The following COL28A1 variants were observed in gnomAD, a reference collection of about 807,000 sequenced individuals.
COL28A1 encodes the protein collagen alpha-1(XXVIII) chain.
Under a neutral mutation model 150.2 loss-of-function variants are expected in COL28A1, and 161 were observed. The ratio of observed to expected loss-of-function variants is 1.07; its 90% confidence interval spans 0.94 to 1.22. The LOEUF (loss-of-function observed/expected upper bound fraction) is 1.22. COL28A1 is among the 50% of genes most tolerant of loss of function. COL28A1 has a pLI of 0.00. For synonymous variants in COL28A1, 552 were observed against 469.7 expected (o/e 1.18, Z -2.26); for missense variants, 1,617 against 1,388.3 (o/e 1.16, Z -2.62).
At chr7:7,440,144 G>A (rs538163709) in intron 21 of COL28A1, among the ~76,000 whole-genome samples, 2 of 152,104 alleles carry the variant, frequency 1.3e-5, no homozygotes, top group South Asian at 2.1e-4. Context: ...AATCCCCTTC[G>A]CTTCTTCCTC....
At chr7:7,533,073 A>G (rs1782459273) in intron 1 of COL28A1, among the ~76,000 whole-genome samples, 161 bp from the exon 2 acceptor site, 1 of 152,170 alleles carries the variant, frequency 6.6e-6, no homozygotes, top group African/African-American at 2.4e-5. Flanking sequence ...GAAAGATTTC[A>G]ATCCAAATAA....
chr7:7,347,979 T>A, the COL28A1 span, among the ~76,000 whole-genome samples: 4 of 152,042 alleles, frequency 2.6e-5, no homozygotes, highest in Admixed American at 6.6e-5. Flanking sequence ...ATATTTCTAA[T>A]GATTCTATGA....
At chr7:7,413,807 C>T (rs73674534) in intron 27 of COL28A1, among the ~76,000 whole-genome samples, 124 of 152,250 alleles carry the variant, frequency 8.1e-4, no homozygotes, top group African/African-American at 2.7e-3. Flanking sequence ...TTCAAGCCTA[C>T]AGGAAGAGCA....
At chr7:7,439,573 C>T (rs180906643) in intron 21 of COL28A1, among the ~76,000 whole-genome samples, 2 of 152,112 alleles carry the variant, frequency 1.3e-5, no homozygotes, top group African/African-American at 2.4e-5. Flanking sequence ...GGTGATTATG[C>T]TTTAACATAT....
At chr7:7,511,248 CTT>C (rs2115147316) in intron 8 of COL28A1, 113 bp from the exon 9 acceptor site, 3 of 794,946 alleles carry the variant, frequency 3.8e-6, no homozygotes, top group South Asian at 1.6e-5. Flanking sequence ...CATAAGCACT[CTT>C]TTGGTTTCTA....
At chr7:7,521,397 T>G (rs1448458920) in intron 5 of COL28A1, among the ~76,000 whole-genome samples, 1 of 152,222 alleles carries the variant, frequency 6.6e-6, no homozygotes, top group Non-Finnish European at 1.5e-5. Flanking sequence ...GGTTGCCATG[T>G]GCTTACTTCC....
the COL28A1 span, among the ~76,000 whole-genome samples, chr7:7,342,444 GT>G: frequency 1.5e-4 from 23 of 151,998 alleles, no homozygotes; most frequent in East Asian, 4.4e-3. Flanking sequence ...TTATGAATAC[GT>G]TTTGGTTTAA....
At chr7:7,462,276 G>C (rs1787692901) in intron 15 of COL28A1, among the ~76,000 whole-genome samples, 1 of 152,120 alleles carries the variant, frequency 6.6e-6, no homozygotes, top group South Asian at 2.1e-4. Flanking sequence ...ACCCAAATGA[G>C]AAGGAAACAG....
At chr7:7,452,558 T>C (rs372214696) in intron 17 of COL28A1, among the ~76,000 whole-genome samples, 171 bp from the exon 18 acceptor site, 260 of 152,380 alleles carry the variant, frequency 1.7e-3, no homozygotes, top group African/African-American at 5.8e-3. Flanking sequence ...TTGGAATATA[T>C]ATGTAAATGA....
chr7:7,376,314 G>A (rs940734128), intron 30 of COL28A1, among the ~76,000 whole-genome samples: 1 of 152,190 alleles, frequency 6.6e-6, no homozygotes, highest in South Asian at 2.1e-4. Flanking sequence ...TTTAACAGGT[G>A]CAAAAGTAAA....
chr7:7,415,462 T>C (rs1330912709), intron 27 of COL28A1, among the ~76,000 whole-genome samples: 1 of 152,228 alleles, frequency 6.6e-6, no homozygotes, highest in African/African-American at 2.4e-5. Flanking sequence ...ATGGAAGTCC[T>C]GAGGGACGAA....
intron 27 of COL28A1, among the ~76,000 whole-genome samples, chr7:7,397,462 A>G (rs1235044116): frequency 6.6e-6 from 1 of 152,164 alleles, no homozygotes; most frequent in Non-Finnish European, 1.5e-5. Context: ...TTTGAGAACC[A>G]TTATTTAGCT....
At chr7:7,508,248 T>A (rs1012321758) in intron 9 of COL28A1, among the ~76,000 whole-genome samples, 14 of 150,834 alleles carry the variant, frequency 9.3e-5, no homozygotes, top group South Asian at 2.1e-4. Context: ...AAAAAAAAAA[T>A]TTCCTTTTTC....
At chr7:7,415,419 A>G (rs1250362194) in intron 27 of COL28A1, among the ~76,000 whole-genome samples, 1 of 152,228 alleles carries the variant, frequency 6.6e-6, no homozygotes, top group Non-Finnish European at 1.5e-5. Flanking sequence ...GTGCAAAAGT[A>G]ATTGCGGTTT....
intron 27 of COL28A1, among the ~76,000 whole-genome samples, chr7:7,386,899 G>A (rs993765260): frequency 3.9e-5 from 6 of 152,152 alleles, no homozygotes; most frequent in African/African-American, 9.7e-5. Context: ...GAAAGCCCAC[G>A]ATCAAGGAAT....
At chr7:7,371,981 C>A (rs1163447621) in intron 32 of COL28A1, among the ~76,000 whole-genome samples, 1 of 151,996 alleles carries the variant, frequency 6.6e-6, no homozygotes, top group African/African-American at 2.4e-5. Context: ...TACAGGCACA[C>A]GCCACCATGC....
At chr7:7,340,454 G>A in the COL28A1 span, among the ~76,000 whole-genome samples, 1 of 152,036 alleles carries the variant, frequency 6.6e-6, no homozygotes, top group Non-Finnish European at 1.5e-5. Context: ...CCAGCTCACT[G>A]TGTCAAGATT....
chr7:7,347,957 A>G, the COL28A1 span, among the ~76,000 whole-genome samples: 2 of 152,072 alleles, frequency 1.3e-5, no homozygotes, highest in Non-Finnish European at 2.9e-5. Context: ...TCTGATATGT[A>G]TCTTAGGAAG....
chr7:7,421,591 C>A (rs1293442275), intron 25 of COL28A1, among the ~76,000 whole-genome samples: 1 of 152,142 alleles, frequency 6.6e-6, no homozygotes, highest in Non-Finnish European at 1.5e-5. Context: ...CAGCTTCCAA[C>A]ACTGCAAAAA....
Sources: allele counts gnomAD v4.1 joint callset (sites outside exome capture counted in the v4.1 genomes callset), GRCh38; gene constraint gnomAD v4.1.1; transcripts MANE v1.5; gene names NCBI Gene and HGNC (gene_info 2026-07-23, HGNC 2026-07-21).